ADAM10: variants seen among roughly 807,000 people sequenced by gnomAD.
The protein encoded by ADAM10 is ADAM metallopeptidase domain 10.
A neutral mutation model predicts 90.1 loss-of-function variants in ADAM10; 17 were observed. That is an observed-to-expected ratio of 0.19 (90% confidence interval 0.13 to 0.28). The LOEUF (loss-of-function observed/expected upper bound fraction) is 0.28, where lower values mean the gene tolerates loss of function less well. Ranked by LOEUF, ADAM10 falls within the 10% of genes least tolerant of loss-of-function variation. The probability of loss-of-function intolerance (pLI) is 1.00; values close to 1 mark genes in which losing one functional copy is unlikely to be tolerated. For synonymous variants in ADAM10, 310 were observed against 298.6 expected, an observed-to-expected ratio of 1.04 and a Z score of -0.40; for missense variants, 610 against 914.3, an observed-to-expected ratio of 0.67 and a Z score of 4.29.
At chr15:58,714,562 G>GTA (rs1267338896) in intron 2 of ADAM10, among the ~76,000 whole-genome samples, 3 of 151,952 alleles carry the variant, frequency 2.0e-5, no homozygotes, top group African/African-American at 4.8e-5. Context: ...TAGCCACAAT[G>GTA]TATAAGACAG....
chr15:58,733,895 T>C (rs1410146366), intron 1 of ADAM10, among the ~76,000 whole-genome samples: 1 of 145,286 alleles, frequency 6.9e-6, no homozygotes, highest in Non-Finnish European at 1.5e-5. Context: ...ATCTTTAGTT[T>C]TTCATTACAT....
At chr15:58,680,165 C>T (rs890362215) in intron 3 of ADAM10, among the ~76,000 whole-genome samples, 2 of 152,072 alleles carry the variant, frequency 1.3e-5, no homozygotes, top group African/African-American at 2.4e-5. Flanking sequence ...CTCTGTCACC[C>T]GGGCTGGAGT....
At chr15:58,643,865 T>A (rs762694547) in intron 7 of ADAM10, 21 bp downstream of exon 7, 1 of 1,561,844 alleles carries the variant, frequency 6.4e-7, no homozygotes, top group Non-Finnish European at 8.8e-7. Flanking sequence ...TTAAGTGTTT[T>A]TAACTATTTA....
chr15:58,650,586 A>G (rs1264531643), intron 5 of ADAM10, among the ~76,000 whole-genome samples: 1 of 152,158 alleles, frequency 6.6e-6, no homozygotes, highest in Non-Finnish European at 1.5e-5. Context: ...TCAGTCTCTC[A>G]GCCACCTCCT....
chr15:58,691,676 C>CTTT (rs71116587), intron 2 of ADAM10: 4,438 of 230,522 alleles, frequency 0.019, 175 homozygotes, highest in African/African-American at 0.089. Context: ...ACTTCTTCTT[C>CTTT]TTTTTTTTTT....
At chr15:58,717,328 C>A (rs754353430) in intron 2 of ADAM10, among the ~76,000 whole-genome samples, 1 of 152,118 alleles carries the variant, frequency 6.6e-6, no homozygotes, top group Admixed American at 6.5e-5. Context: ...AAAGACATAT[C>A]TTTTACTAAT....
chr15:58,727,612 A>C (rs1314312464), intron 1 of ADAM10, among the ~76,000 whole-genome samples: 1 of 152,234 alleles, frequency 6.6e-6, no homozygotes, highest in Non-Finnish European at 1.5e-5. Context: ...GATTACAGGC[A>C]TGAGATGACA....
intron 2 of ADAM10, among the ~76,000 whole-genome samples, chr15:58,712,194 C>T (rs1898495952): frequency 6.6e-6 from 1 of 152,000 alleles, no homozygotes; most frequent in African/African-American, 2.4e-5. Flanking sequence ...CAATATTAAC[C>T]TGCATTTTAC....
rs200028844 is a variant in ADAM10, at chr15:58,749,537, T to G, written c.-3A>C. 1 of 1,552,056 alleles carries G rather than the reference T, an allele frequency of 6.4e-7. No individual in the cohort carries two copies. Among genetic ancestry groups the G allele is most frequent in the East Asian group, 2.5e-5 (1 of 40,786 alleles). On this transcript the variant is annotated 5_prime_UTR_variant, in exon 1 of 16. Transcript: ENST00000260408. Reference sequence around the variant, plus strand: ...ATTAACACTCTCAGCAACACCATCTTCCGCTGCCGCTGCCGCCGCCGCCGC... The same window carrying G: ...ATTAACACTCTCAGCAACACCATCTGCCGCTGCCGCTGCCGCCGCCGCCGC...
chr15:58,714,392 T>C (rs1898586018), intron 2 of ADAM10, among the ~76,000 whole-genome samples: 1 of 152,026 alleles, frequency 6.6e-6, no homozygotes, highest in Non-Finnish European at 1.5e-5. Context: ...TCCAAGTATA[T>C]TCTTCTTGGT....
intron 2 of ADAM10, chr15:58,691,036 T>C (rs1006789993): frequency 9.1e-6 from 5 of 550,762 alleles, no homozygotes; most frequent in Admixed American, 6.1e-5. Context: ...TTTTTAGCCA[T>C]CATATAACCC....
intron 4 of ADAM10, 49 bp from the exon 5 acceptor site, chr15:58,665,246 C>G: frequency 7.4e-7 from 1 of 1,343,636 alleles, no homozygotes; most frequent in Non-Finnish European, 1.1e-6. Context: ...TTAGGTATAA[C>G]CAATTATAAA....
At chr15:58,660,184 CTTTT>C (rs377251262) in intron 5 of ADAM10, among the ~76,000 whole-genome samples, 2 of 151,756 alleles carry the variant, frequency 1.3e-5, no homozygotes, top group Non-Finnish European at 2.9e-5. Context: ...ATTTTCTTTT[CTTTT>C]TTTTCTTTTT....
intron 5 of ADAM10, among the ~76,000 whole-genome samples, chr15:58,655,711 G>GTGTATATA (rs1212041296): frequency 1.5e-4 from 8 of 53,712 alleles, no homozygotes; most frequent in East Asian, 5.8e-4. Context: ...TATATATATA[G>GTGTATATA]TATATATATA....
At chr15:58,617,170 T>C (rs1434033376) in intron 11 of ADAM10, among the ~76,000 whole-genome samples, 1 of 152,004 alleles carries the variant, frequency 6.6e-6, no homozygotes, top group Non-Finnish European at 1.5e-5. Context: ...AGTTGGTTTC[T>C]TGGAAAGATA....
intron 2 of ADAM10, among the ~76,000 whole-genome samples, chr15:58,687,108 A>G (rs1262497973): frequency 6.6e-6 from 1 of 152,246 alleles, no homozygotes; most frequent in Non-Finnish European, 1.5e-5. Context: ...AAGACCAGAA[A>G]GTACAAATTG....
At chr15:58,678,689 C>T (rs1476281285) in intron 4 of ADAM10, among the ~76,000 whole-genome samples, 8 of 152,106 alleles carry the variant, frequency 5.3e-5, no homozygotes, top group African/African-American at 1.9e-4. Context: ...AAGAAATACT[C>T]AATGGACTTA....
intron 8 of ADAM10, among the ~76,000 whole-genome samples, chr15:58,636,811 G>A (rs1279356057): frequency 6.6e-6 from 1 of 152,084 alleles, no homozygotes; most frequent in Non-Finnish European, 1.5e-5. Flanking sequence ...ATGTGAGGAG[G>A]CCAAAAATTA....
At chr15:58,647,948 C>T (rs1419046460) in intron 5 of ADAM10, among the ~76,000 whole-genome samples, 1 of 152,180 alleles carries the variant, frequency 6.6e-6, no homozygotes, top group Non-Finnish European at 1.5e-5. Flanking sequence ...TTTTTGATGG[C>T]ACAGTAATAT....
Sources: allele counts gnomAD v4.1 joint callset (sites outside exome capture counted in the v4.1 genomes callset), GRCh38; gene constraint gnomAD v4.1.1; transcripts MANE v1.5; gene names NCBI Gene and HGNC (gene_info 2026-07-23, HGNC 2026-07-21).